SLC35A3: variants seen among roughly 807,000 people sequenced by gnomAD.
SLC35A3 encodes UDP-N-acetylglucosamine transporter.
In SLC35A3, 26 loss-of-function variants were observed where a neutral mutation model predicts 39.0. The ratio of observed to expected loss-of-function variants is 0.67; its 90% CI spans 0.49 to 0.92. The LOEUF (loss-of-function observed/expected upper bound fraction) is 0.92. Among genes scored for constraint, SLC35A3 ranks in the 40% least tolerant of loss-of-function variants. The pLI, the probability that SLC35A3 is intolerant of heterozygous loss-of-function variation, is 0.00. For missense variants in SLC35A3, 299 were observed against 371.6 expected (o/e 0.80, Z 1.61); for synonymous variants, 135 against 133.1 (o/e 1.01, Z -0.10).
chr1:100,018,137 C>T (rs916384281), intron 7 of SLC35A3, among the ~76,000 whole-genome samples: 9 of 151,970 alleles, frequency 5.9e-5, no homozygotes, highest in African/African-American at 1.9e-4. Context: ...TTTTAAAATA[C>T]GGAATTTACA....
chr1:100,018,592 T>C (rs947866518), intron 7 of SLC35A3, among the ~76,000 whole-genome samples: 9 of 152,140 alleles, frequency 5.9e-5, no homozygotes, highest in African/African-American at 2.2e-4. Flanking sequence ...TGCAGTGGCG[T>C]GATCGTAGCC....
intron 3 of SLC35A3, among the ~76,000 whole-genome samples, chr1:100,003,357 C>G (rs1240982935): frequency 2.8e-5 from 4 of 140,896 alleles, no homozygotes; most frequent in Non-Finnish European, 6.0e-5. Context: ...CGGAGGTTGC[C>G]GTGAGCTGAG....
In SLC35A3 at chr1:100,032,186, A is replaced by C. The variant is rs761173634; in HGVS notation, c.*9710A>C. 6.6e-6 allele frequency: 1 copy of C among 152,164 alleles called. No individual in the cohort carries two copies. Among genetic ancestry groups the C allele is most frequent in the Non-Finnish European group, 1.5e-5 (1 of 68,028 alleles). The allele number at this position is 152,164 out of a possible 1,614,324, so 9.4% of individuals were successfully genotyped here. ...TAAAGTTCTCCCTGTGGTAAAGGTC[A>C]TTTGTTCACCCTTAGTAATCTATGG... On this transcript the variant is annotated 3_prime_UTR_variant, in exon 8 of 8. Transcript: ENST00000533028.
chr1:100,003,528 G>A (rs141326149), intron 3 of SLC35A3, among the ~76,000 whole-genome samples: 44 of 151,952 alleles, frequency 2.9e-4, no homozygotes, highest in African/African-American at 9.2e-4. Context: ...GAGACTTATA[G>A]CCTAATATAT....
rs953133355 is a variant in SLC35A3 at position 100,033,332 on chromosome 1, A to G, written c.*10856A>G. The stretch of plus-strand genomic sequence containing the variant: ...GATAAATTTTTTCGAAAAGTTTTAT[A>G]TGAAAAGTGTACTCTGAAAAAATCT... On this transcript the variant is annotated 3_prime_UTR_variant, in exon 8 of 8. Coordinates refer to ENST00000533028, the MANE Select transcript of SLC35A3 (RefSeq NM_012243.3). 6.6e-6 allele frequency: 1 copy of G among 151,920 alleles called. No homozygotes were observed. The highest frequency in any genetic ancestry group is 2.4e-5 in the African/African-American group (1 of 41,374). 9.4% of individuals were successfully genotyped at this position (151,920 alleles called of 1,614,324 possible). A position where few individuals can be genotyped will look rare whatever the true frequency, so the allele number is the denominator to read the frequency against.
intron 1 of SLC35A3, among the ~76,000 whole-genome samples, chr1:99,980,047 C>T (rs930706224): frequency 2.0e-5 from 3 of 150,376 alleles, no homozygotes; most frequent in Non-Finnish European, 4.4e-5. Flanking sequence ...CTGTCTCTCT[C>T]TCTCTATATA....
intron 1 of SLC35A3, 124 bp from the exon 2 acceptor site, chr1:99,993,412 CT>C: frequency 3.3e-6 from 2 of 606,608 alleles, no homozygotes; most frequent in Non-Finnish European, 2.7e-6. Flanking sequence ...TTTCTTTTTT[CT>C]TTTTGGTGGC....
Position 100,029,477 on chromosome 1 carries a change from C to G in SLC35A3, c.*7001C>G, listed in dbSNP as rs2101545245. 1 of 139,210 alleles carries G rather than the reference C, an allele frequency of 7.2e-6. No individual in the cohort carries two copies. Among genetic ancestry groups the G allele is most frequent in the Middle Eastern group, 4.2e-3 (1 of 240 alleles). 8.6% of individuals were successfully genotyped at this position (139,210 alleles called of 1,614,324 possible). On this transcript the variant is annotated 3_prime_UTR_variant, in exon 8 of 8. Transcript: ENST00000533028. ...ATGGAGTCTCGCTCTGTCACTCAGG[C>G]TGGAGTTCAGCGGCACGATCTCTGC... is the stretch of plus-strand genomic sequence containing the variant.
intron 5 of SLC35A3, 70 bp downstream of exon 5, chr1:100,011,603 ATCTT>A: frequency 1.9e-6 from 1 of 513,630 alleles, no homozygotes; most frequent in Non-Finnish European, 3.0e-6. Context: ...ATTTCTATAT[ATCTT>A]TAAATAAATG....
chr1:99,984,612 C>G (rs1212847655), intron 1 of SLC35A3, among the ~76,000 whole-genome samples: 1 of 152,210 alleles, frequency 6.6e-6, no homozygotes, highest in East Asian at 1.9e-4. Flanking sequence ...AGCAGGATTG[C>G]TGGATCAAAT....
Position 100,024,916 on chromosome 1 carries a change from C to A in SLC35A3, c.*2440C>A, listed in dbSNP as rs1660818936. The A allele has an allele frequency of 5.7e-6, 2 of 350,316 alleles. No homozygotes were observed. The highest frequency in any genetic ancestry group is 8.4e-5 in the East Asian group (2 of 23,836). The allele number at this position is 350,316 out of a possible 1,614,324, so 21.7% of individuals were successfully genotyped here. A position where few individuals can be genotyped will look rare whatever the true frequency, so the allele number is the denominator to read the frequency against. Reference sequence around the variant, plus strand: ...TACTATGTTACAGACTGTTGGGTACCCTTGCCTAACGTGAACTGGCAGTGT... The same window carrying A: ...TACTATGTTACAGACTGTTGGGTACACTTGCCTAACGTGAACTGGCAGTGT... On this transcript the variant is annotated 3_prime_UTR_variant, in exon 8 of 8. Transcript: ENST00000533028.
chr1:100,022,289 C>G (rs1660602006), intron 7 of SLC35A3, 97 bp from the exon 8 acceptor site: 3 of 614,590 alleles, frequency 4.9e-6, no homozygotes, highest in Non-Finnish European at 8.4e-6. Context: ...AACATTTTTC[C>G]CCACATTATA....
chr1:99,997,507 T>C (rs1396516477), intron 2 of SLC35A3, among the ~76,000 whole-genome samples: 1 of 128,260 alleles, frequency 7.8e-6, no homozygotes, highest in Non-Finnish European at 1.7e-5. Flanking sequence ...AGGCACATTT[T>C]GGTTTCCAAA....
At chr1:99,984,103 G>C (rs574177960) in intron 1 of SLC35A3, among the ~76,000 whole-genome samples, 14 of 152,088 alleles carry the variant, frequency 9.2e-5, no homozygotes, top group Non-Finnish European at 1.6e-4. Flanking sequence ...AAAAGAAGTA[G>C]ATCTGATATA....
intron 1 of SLC35A3, among the ~76,000 whole-genome samples, chr1:99,990,357 T>C (rs1658007396): frequency 6.6e-6 from 1 of 152,026 alleles, no homozygotes; most frequent in Non-Finnish European, 1.5e-5. Context: ...GGGTGGATCA[T>C]GAGGTCAGGA....
At chr1:100,019,491 G>A (rs1487222766) in intron 7 of SLC35A3, among the ~76,000 whole-genome samples, 3 of 152,110 alleles carry the variant, frequency 2.0e-5, no homozygotes, top group Non-Finnish European at 4.4e-5. Context: ...AGGTAACTAA[G>A]CCCTCTATCT....
chr1:99,983,707 C>A (rs1570573805), intron 1 of SLC35A3, among the ~76,000 whole-genome samples: 2 of 151,620 alleles, frequency 1.3e-5, no homozygotes, highest in South Asian at 4.2e-4. Flanking sequence ...CTCACTGCAC[C>A]CTCTGCCTCC....
intron 1 of SLC35A3, among the ~76,000 whole-genome samples, chr1:99,984,531 C>T (rs1168389227): frequency 2.0e-5 from 3 of 152,194 alleles, no homozygotes; most frequent in Non-Finnish European, 4.4e-5. Context: ...GCAAATTGTG[C>T]TGCTATAAAC....
At chr1:99,983,719 A>T (rs1392012052) in intron 1 of SLC35A3, among the ~76,000 whole-genome samples, 2 of 151,166 alleles carry the variant, frequency 1.3e-5, no homozygotes, top group Admixed American at 1.3e-4. Flanking sequence ...TCTGCCTCCC[A>T]GGTTCAAGCG....
Sources: allele counts gnomAD v4.1 joint callset (sites outside exome capture counted in the v4.1 genomes callset), GRCh38; gene constraint gnomAD v4.1.1; transcripts MANE v1.5; gene names NCBI Gene and HGNC (gene_info 2026-07-23, HGNC 2026-07-21).